Variants in PDE4D observed in about 807,000 individuals in gnomAD.
The protein encoded by PDE4D is 3',5'-cyclic-AMP phosphodiesterase 4D.
PDE4D carries 24 observed loss-of-function variants against 87.4 expected under a neutral mutation model. The observed-to-expected ratio is 0.27, with a 90% confidence interval of 0.20 to 0.39. The LOEUF (loss-of-function observed/expected upper bound fraction) is 0.39. PDE4D is among the 10% of genes least tolerant of loss of function. The pLI is 1.00. For synonymous variants in PDE4D, 384 were observed against 383.2 expected (o/e 1.00, Z -0.02); for missense variants, 714 against 1,041.0 (o/e 0.69, Z 4.32).
chr5:59,222,834 T>C (rs1317208500), intron 1 of PDE4D, among the ~76,000 whole-genome samples: 1 of 152,198 alleles, frequency 6.6e-6, no homozygotes, highest in Non-Finnish European at 1.5e-5. Context: ...TTACAATACC[T>C]AGCTCTAGGG....
intron 1 of PDE4D, among the ~76,000 whole-genome samples, chr5:59,283,874 G>C (rs931873378): frequency 1.3e-5 from 2 of 152,018 alleles, no homozygotes; most frequent in African/African-American, 4.8e-5. Context: ...AACATCACAG[G>C]GGGATTCAAA....
At chr5:59,296,021 T>C (rs1225632056) in intron 1 of PDE4D, among the ~76,000 whole-genome samples, 2 of 151,868 alleles carry the variant, frequency 1.3e-5, no homozygotes, top group East Asian at 3.9e-4. Context: ...TACAGAGAAA[T>C]GTGAAGTTAT....
intron 1 of PDE4D, among the ~76,000 whole-genome samples, chr5:60,273,062 G>C (rs1033406488): frequency 3.3e-5 from 5 of 152,068 alleles, no homozygotes; most frequent in African/African-American, 9.7e-5. Context: ...GAGACATCAG[G>C]CTTGATGCTA....
At chr5:59,031,936 A>C (rs1757620984) in intron 6 of PDE4D, among the ~76,000 whole-genome samples, 2 of 152,014 alleles carry the variant, frequency 1.3e-5, no homozygotes, top group Non-Finnish European at 2.9e-5. Flanking sequence ...GAGGCTGTAG[A>C]GGAGGAGGGA....
intron 1 of PDE4D, among the ~76,000 whole-genome samples, chr5:59,235,119 T>C (rs1353464714): frequency 6.6e-6 from 1 of 152,156 alleles, no homozygotes; most frequent in Non-Finnish European, 1.5e-5. Context: ...AAATTTGCAA[T>C]GTAATTATGA....
intron 1 of PDE4D, among the ~76,000 whole-genome samples, chr5:60,431,932 G>A (rs1324219464): frequency 6.6e-6 from 1 of 152,244 alleles, no homozygotes; most frequent in African/African-American, 2.4e-5. Flanking sequence ...AACCTGTCAG[G>A]TGTGGCGGCG....
At chr5:59,984,571 G>T (rs1006106041) in intron 3 of PDE4D, among the ~76,000 whole-genome samples, 1 of 152,150 alleles carries the variant, frequency 6.6e-6, no homozygotes, top group Non-Finnish European at 1.5e-5. Context: ...GAACACATTC[G>T]CATTGCTTGG....
At chr5:60,016,023 C>G (rs778110828) in intron 2 of PDE4D, among the ~76,000 whole-genome samples, 147 of 147,366 alleles carry the variant, frequency 1.0e-3, no homozygotes, top group African/African-American at 3.6e-3. Flanking sequence ...CTCTCTCTCT[C>G]TCTGTGTGTG....
intron 2 of PDE4D, among the ~76,000 whole-genome samples, chr5:60,100,886 T>C (rs1257971760): frequency 1.3e-5 from 2 of 152,070 alleles, no homozygotes; most frequent in African/African-American, 4.8e-5. Context: ...GATGTTAACC[T>C]TCTAGGTGTT....
At chr5:60,173,131 A>G (rs899266900) in intron 2 of PDE4D, among the ~76,000 whole-genome samples, 10 of 152,144 alleles carry the variant, frequency 6.6e-5, no homozygotes, top group Non-Finnish European at 2.9e-5. Flanking sequence ...TAACAGGTAC[A>G]TTAGTACATA....
At chr5:60,204,163 G>A (rs181550798) in intron 1 of PDE4D, among the ~76,000 whole-genome samples, 18 of 152,156 alleles carry the variant, frequency 1.2e-4, no homozygotes, top group Admixed American at 6.5e-4. Flanking sequence ...ATAGCCTGTG[G>A]TGTCTTTTAT....
intron 1 of PDE4D, among the ~76,000 whole-genome samples, chr5:59,232,405 T>C (rs1755414145): frequency 1.3e-5 from 2 of 151,174 alleles, no homozygotes; most frequent in Admixed American, 1.3e-4. Flanking sequence ...AGATGTAAAA[T>C]GACCAACAGG....
At chr5:59,680,423 T>C (rs1284868646) in intron 1 of PDE4D, among the ~76,000 whole-genome samples, 1 of 152,100 alleles carries the variant, frequency 6.6e-6, no homozygotes, top group Non-Finnish European at 1.5e-5. Flanking sequence ...TTTCTTATTA[T>C]TAAGGAAAGG....
intron 6 of PDE4D, among the ~76,000 whole-genome samples, chr5:59,018,128 T>G (rs952662676): frequency 2.0e-5 from 3 of 152,246 alleles, no homozygotes; most frequent in Non-Finnish European, 1.5e-5. Flanking sequence ...CACTGAAACT[T>G]GTTATAAGGA....
chr5:59,731,125 A>C (rs1262821560), intron 1 of PDE4D, among the ~76,000 whole-genome samples: 1 of 152,210 alleles, frequency 6.6e-6, no homozygotes, highest in East Asian at 1.9e-4. Context: ...GTTAAAAAAA[A>C]CAAGCTCCTC....
chr5:60,282,183 C>A (rs1458460727), intron 1 of PDE4D, among the ~76,000 whole-genome samples: 3 of 133,766 alleles, frequency 2.2e-5, no homozygotes, highest in Non-Finnish European at 4.8e-5. Flanking sequence ...AGAAATTAAT[C>A]TTTAAAGAAC....
At chr5:59,568,553 A>C (rs1342783333) in intron 1 of PDE4D, among the ~76,000 whole-genome samples, 1 of 152,048 alleles carries the variant, frequency 6.6e-6, no homozygotes, top group Non-Finnish European at 1.5e-5. Context: ...GACCAAATCC[A>C]CCTCGATCAG....
chr5:59,464,892 A>G (rs1462033376), intron 1 of PDE4D, among the ~76,000 whole-genome samples: 1 of 152,236 alleles, frequency 6.6e-6, no homozygotes, highest in Non-Finnish European at 1.5e-5. Flanking sequence ...GAGGACAAAA[A>G]AAAAATCTTT....
chr5:59,811,213 A>G (rs978589927), intron 1 of PDE4D, among the ~76,000 whole-genome samples: 23 of 152,228 alleles, frequency 1.5e-4, no homozygotes, highest in African/African-American at 5.5e-4. Flanking sequence ...GACCTGGACT[A>G]TATTCATAAA....
Sources: gnomAD v4.1 joint callset for allele counts (sites outside exome capture counted in the v4.1 genomes callset) on GRCh38, gnomAD v4.1.1 for gene constraint, MANE v1.5 for transcripts, NCBI Gene and HGNC (gene_info 2026-07-23, HGNC 2026-07-21) for gene names.